OPHN1: variants seen among roughly 807,000 people sequenced by gnomAD.
OPHN1 encodes oligophrenin 1.
A neutral mutation model predicts 60.7 loss-of-function variants in OPHN1; 11 were observed. The ratio of observed to expected loss-of-function variants is 0.18; its 90% CI spans 0.11 to 0.30. The LOEUF (loss-of-function observed/expected upper bound fraction) is 0.30, where lower values mean the gene tolerates loss of function less well. Among genes scored for constraint, OPHN1 ranks in the 10% least tolerant of loss-of-function variants. The pLI, the probability that OPHN1 is intolerant of heterozygous loss-of-function variation, is 1.00. For synonymous variants in OPHN1, 226 were observed against 222.6 expected, an observed-to-expected ratio of 1.02 and a Z score of -0.14; for missense variants, 449 against 611.0, an observed-to-expected ratio of 0.73 and a Z score of 2.80.
intron 21 of OPHN1, among the ~76,000 whole-genome samples, chrX:68,057,827 C>A (rs2076878849): frequency 9.0e-6 from 1 of 111,289 alleles, no homozygotes; most frequent in South Asian, 3.8e-4. Flanking sequence ...AGTCAAGAAA[C>A]CTGGATTCTA....
At chrX:68,226,556 AG>A (rs2147511014) in intron 6 of OPHN1, among the ~76,000 whole-genome samples, 1 of 112,159 alleles carries the variant, frequency 8.9e-6, no homozygotes, top group South Asian at 3.7e-4. Flanking sequence ...ACAAGCCAGA[AG>A]AGAGTAGGGG....
intron 5 of OPHN1, among the ~76,000 whole-genome samples, chrX:68,256,382 C>T (rs777352100): frequency 2.5e-4 from 28 of 111,350 alleles, no homozygotes; most frequent in Non-Finnish European, 4.3e-4. Flanking sequence ...TTACAGGCTG[C>T]GCATTGTTAG....
At chrX:68,223,025 T>A (rs1006760442) in intron 6 of OPHN1, among the ~76,000 whole-genome samples, 1 of 111,511 alleles carries the variant, frequency 9.0e-6, no homozygotes, top group Non-Finnish European at 1.9e-5. Context: ...AAGGCCATTA[T>A]TAAAAAGTCA....
chrX:68,341,606 G>T (rs2078351844), intron 2 of OPHN1, among the ~76,000 whole-genome samples: 2 of 111,552 alleles, frequency 1.8e-5, no homozygotes, highest in Non-Finnish European at 3.8e-5. Flanking sequence ...GGACAAGGTG[G>T]GTATATCACT....
chrX:68,158,869 G>A (rs1432388389), intron 15 of OPHN1, among the ~76,000 whole-genome samples: 1 of 112,166 alleles, frequency 8.9e-6, no homozygotes, highest in African/African-American at 3.2e-5. Flanking sequence ...CAGGACGGAA[G>A]CTCTACCCTA....
At chrX:68,089,155 CA>C (rs1441100989) in intron 19 of OPHN1, among the ~76,000 whole-genome samples, 1 of 111,517 alleles carries the variant, frequency 9.0e-6, no homozygotes, top group East Asian at 2.8e-4. Flanking sequence ...GTCTAGCTGC[CA>C]AAGTACACCT....
At chrX:68,188,386 A>G (rs2077472765) in intron 15 of OPHN1, among the ~76,000 whole-genome samples, 1 of 112,531 alleles carries the variant, frequency 8.9e-6, no homozygotes, top group African/African-American at 3.2e-5. Flanking sequence ...TTGATAAATT[A>G]CTTCAAACTC....
At chrX:68,110,068 CTGAA>C (rs1168515348) in intron 18 of OPHN1, among the ~76,000 whole-genome samples, 1 of 110,566 alleles carries the variant, frequency 9.0e-6, no homozygotes, top group African/African-American at 3.3e-5. Flanking sequence ...CAAAGGATAA[CTGAA>C]TGTGTAGATT....
chrX:68,133,396 A>G lies in OPHN1; in HGVS notation c.1277-14064T>C, dbSNP rs903563874. 1.9e-5 allele frequency: 15 copies of G among 786,618 alleles called. No individual in the cohort carries two copies. The African/African-American group carries it at 2.9e-4, about 15-fold the overall frequency. The allele number at this position is 786,618 out of a possible 1,213,427, so 64.8% of individuals were successfully genotyped here. On this transcript the variant is annotated intron_variant, in intron 15 of 24. Coordinates refer to ENST00000355520, the MANE Select transcript of OPHN1 (RefSeq NM_002547.3). ...TCTTTTGTGAAATTCACACATGATC[A>G]GATTATGCAACGGTATGGGACAAGG...
At chrX:68,354,073 A>G (rs1488593681) in intron 2 of OPHN1, among the ~76,000 whole-genome samples, 2 of 111,810 alleles carry the variant, frequency 1.8e-5, no homozygotes, top group Non-Finnish European at 3.8e-5. Flanking sequence ...GTATATACAT[A>G]GTTTAATAAA....
At chrX:68,400,029 A>G in intron 2 of OPHN1, among the ~76,000 whole-genome samples, 1 of 108,938 alleles carries the variant, frequency 9.2e-6, no homozygotes, top group East Asian at 2.9e-4. Context: ...GAGCTTTGTA[A>G]CTTCACTTCA....
chrX:68,416,065 TATAGAGAGAGAGAGAGAGAGAG>T (rs1437732596), intron 2 of OPHN1, among the ~76,000 whole-genome samples: 2 of 5,201 alleles, frequency 3.8e-4, no homozygotes, highest in Admixed American at 2.5e-3. Flanking sequence ...TATATATATA[TATAGAGAGAGAGAGAGAGAGAG>T]AGAGAGAGAG....
At chrX:68,122,369 A>C (rs1326148892) in intron 15 of OPHN1, among the ~76,000 whole-genome samples, 1 of 111,198 alleles carries the variant, frequency 9.0e-6, no homozygotes, top group Non-Finnish European at 1.9e-5. Context: ...AGTCTTCCCA[A>C]GAAGGACAAG....
chrX:68,149,802 CA>C (rs751179317), intron 15 of OPHN1, among the ~76,000 whole-genome samples: 4,686 of 99,802 alleles, frequency 0.047, 278 homozygotes, highest in African/African-American at 0.16. Context: ...AGTTATATAC[CA>C]AAAAAAAAAA....
intron 2 of OPHN1, among the ~76,000 whole-genome samples, chrX:68,349,321 T>C (rs949873065): frequency 2.7e-5 from 3 of 112,147 alleles, no homozygotes; most frequent in Non-Finnish European, 5.6e-5. Context: ...TCATCATCAC[T>C]GGTCATTAGA....
At chrX:68,184,562 C>T (rs2077453642) in intron 15 of OPHN1, among the ~76,000 whole-genome samples, 1 of 109,906 alleles carries the variant, frequency 9.1e-6, no homozygotes, top group Admixed American at 9.7e-5. Context: ...GAAGATGGAT[C>T]AACACTGTAT....
intron 6 of OPHN1, among the ~76,000 whole-genome samples, chrX:68,225,107 C>T (rs764323732): frequency 6.2e-5 from 7 of 112,074 alleles, no homozygotes; most frequent in Non-Finnish European, 1.3e-4. Context: ...CCCAAGCTCA[C>T]GGAGCCTCTC....
intron 2 of OPHN1, among the ~76,000 whole-genome samples, chrX:68,313,123 TAAGA>T (rs892865741): frequency 2.7e-5 from 3 of 109,732 alleles, no homozygotes; most frequent in African/African-American, 9.9e-5. Flanking sequence ...AATAAATAAA[TAAGA>T]AAGAAAGGAA....
intron 18 of OPHN1, among the ~76,000 whole-genome samples, chrX:68,103,516 A>C: frequency 9.1e-6 from 1 of 110,419 alleles, no homozygotes; most frequent in East Asian, 2.9e-4. Context: ...TAGTATTGGA[A>C]GTTCTGTCCA....
Sources: allele counts gnomAD v4.1 joint callset (sites outside exome capture counted in the v4.1 genomes callset), GRCh38; gene constraint gnomAD v4.1.1; transcripts MANE v1.5; gene names NCBI Gene and HGNC (gene_info 2026-07-23, HGNC 2026-07-21).